The following MDN1 variants were observed in gnomAD, a reference collection of about 807,000 sequenced individuals.
The protein encoded by MDN1 is midasin.
MDN1 carries 266 observed loss-of-function variants against 669.2 expected under a neutral mutation model. That is an observed-to-expected ratio of 0.40 (90% CI 0.36 to 0.44). MDN1 has a LOEUF of 0.44. Ranked by LOEUF, MDN1 falls within the 20% of genes least tolerant of loss-of-function variation. The pLI is 1.00. For missense variants in MDN1, 5,940 were observed against 6,754.0 expected (o/e 0.88, Z 4.22); for synonymous variants, 2,385 against 2,457.1 (o/e 0.97, Z 0.87).
chr6:89,769,699 C>T (rs1817985330), intron 15 of MDN1, among the ~76,000 whole-genome samples: 1 of 152,182 alleles, frequency 6.6e-6, no homozygotes, highest in African/African-American at 2.4e-5. Flanking sequence ...CAAGTTGGCA[C>T]CAAAACCAAA....
chr6:89,699,652 A>G lies in MDN1; in HGVS notation c.8946T>C (p.Pro2982=). 6.2e-7 allele frequency: 1 copy of G among 1,614,060 alleles called. No individual in the cohort carries two copies. The highest frequency in any genetic ancestry group is 8.5e-7 in the Non-Finnish European group (1 of 1,179,968). The change falls in exon 58 of 102, where the codon CCT becomes CCC. Residue 2982 remains proline (P), a synonymous_variant. Coordinates refer to ENST00000369393, the MANE Select transcript of MDN1 (RefSeq NM_014611.3). ...HLISFCLYHT[P]VTPQELRDLW... ...GATCTCGAAGCTCTTGAGGTGTAAC[A>G]GGTGTGTGATAAAGACAAAATGAGA...
rs760414098 is a variant in MDN1 at position 89,772,736 on chromosome 6, A to G, written c.1935-15T>C. Reference sequence around the variant, plus strand: ...TGAACTTCTCCCTGGGAAGGAGAAAAAAAGAGTTTAAAAACCACGCTGCAA... The same window carrying G: ...TGAACTTCTCCCTGGGAAGGAGAAAGAAAGAGTTTAAAAACCACGCTGCAA... On this transcript the variant is annotated splice_polypyrimidine_tract_variant and intron_variant, in intron 13 of 101. Coordinates refer to ENST00000369393, the MANE Select transcript of MDN1 (RefSeq NM_014611.3). 3 of 1,610,420 alleles carry G rather than the reference A, an allele frequency of 1.9e-6. No individual in the cohort carries two copies. In the South Asian group the frequency reaches 3.3e-5, roughly 18 times the overall value.
chr6:89,757,210 T>C (rs1027820018), intron 19 of MDN1, among the ~76,000 whole-genome samples: 58 of 152,194 alleles, frequency 3.8e-4, no homozygotes, highest in Non-Finnish European at 7.6e-4. Flanking sequence ...ATTTATTTTT[T>C]CCCAAATGTT....
At position 89,699,605 on chromosome 6, in the gene MDN1, T is replaced by C. The variant is rs1405016206; in HGVS notation, c.8993A>G (p.Gln2998Arg). Residue 2998 changes from glutamine (Q) to arginine (R), a missense_variant, in exon 58 of 102, where the codon CAG becomes CGG. Transcript: ENST00000369393. ...LRDLWSLLHH[Q>R]KVSPEEITSL... ...ATGTCTTATTGTGATTTTTACCTTC[T>C]GATGATGCAGCAAGGACCACAGATC... is the stretch of plus-strand genomic sequence containing the variant. The C allele has an allele frequency of 1.2e-6, 2 of 1,611,510 alleles. No homozygotes were observed. Among genetic ancestry groups the C allele is most frequent in the Admixed American group, 3.4e-5 (2 of 59,602 alleles).
In MDN1 at chr6:89,688,150, A is replaced by C. The variant is rs1812145720; in HGVS notation, c.11283T>G (p.Ile3761Met). Residue 3761 changes from isoleucine to methionine, a missense_variant, in exon 67 of 102, where the codon ATT (isoleucine) becomes ATG (methionine). Around this residue, in one of 5 missense-constraint regions of MDN1, gnomAD observed 2,280 missense variants for 2,576.3 expected, o/e 0.88. Coordinates refer to ENST00000369393, the MANE Select transcript of MDN1 (RefSeq NM_014611.3). ...TGGGACTGGAAAGTGGGAAACTACG[A>C]ATTCTGTCCATTACAACCAGGAGCT... ...LEQLLVVMDR[I>M]RSFPLSSPIS... is the part of the protein sequence containing the mutation. 3.7e-6 allele frequency: 6 copies of C among 1,614,088 alleles called. No individual in the cohort carries two copies. The East Asian group carries it at 1.3e-4, about 36-fold the overall frequency.
At chr6:89,751,225 C>T (rs1186473264) in intron 23 of MDN1, among the ~76,000 whole-genome samples, 1 of 152,162 alleles carries the variant, frequency 6.6e-6, no homozygotes, top group East Asian at 1.9e-4. Context: ...AAATCATCTG[C>T]ATCCATAGTG....
chr6:89,747,391 C>T lies in MDN1; in HGVS notation c.3842G>A (p.Arg1281Lys), dbSNP rs768474713. The T allele has an allele frequency of 5.0e-6, 8 of 1,614,006 alleles. No homozygotes were observed. Among genetic ancestry groups the T allele is most frequent in the Non-Finnish European group, 6.8e-6 (8 of 1,180,036 alleles). ...CTCGGTCGGCTCAGCCAATCTGTAT[C>T]TTTCAGCCCATCGGAACAGATCACG... ...TLRDLFRWAE[R>K]YRLAEPTEKE... is the part of the protein sequence containing the mutation. Residue 1281 changes from arginine to lysine, a missense_variant, in exon 27 of 102, where the codon AGA becomes AAA. Arg to Lys is a conservative substitution (Grantham distance 26). This residue lies in a region of MDN1 where 2,292 missense variants were observed against 2,638.3 expected (regional missense o/e 0.87). Coordinates refer to ENST00000369393, the MANE Select transcript of MDN1 (RefSeq NM_014611.3).
intron 12 of MDN1, among the ~76,000 whole-genome samples, chr6:89,776,041 G>A (rs1234793065): frequency 6.6e-6 from 1 of 152,132 alleles, no homozygotes; most frequent in Non-Finnish European, 1.5e-5. Context: ...GAAAAACTCT[G>A]CATTAAGTTA....
At chr6:89,783,295 A>G (rs1245637892) in intron 9 of MDN1, among the ~76,000 whole-genome samples, 4 of 152,126 alleles carry the variant, frequency 2.6e-5, no homozygotes, top group African/African-American at 9.7e-5. Flanking sequence ...AGGTCTATAA[A>G]TGGCCGCTCT....
At position 89,696,001 on chromosome 6, in the gene MDN1, A is replaced by G. The variant is rs1812713923; in HGVS notation, c.9384-9T>C. 1.3e-6 allele frequency: 2 copies of G among 1,598,966 alleles called. No individual in the cohort carries two copies. The highest frequency in any genetic ancestry group is 1.3e-5 in the African/African-American group (1 of 74,584). On this transcript the variant is annotated splice_polypyrimidine_tract_variant and intron_variant, in intron 60 of 101. Coordinates refer to ENST00000369393, the MANE Select transcript of MDN1 (RefSeq NM_014611.3). ...GTTGGGAATCCGTGCGTCTGTGGGG[A>G]CAAAAAGAAAGCACTGAAAGGTTTG...
chr6:89,741,315 T>A (rs1340056311), intron 31 of MDN1, among the ~76,000 whole-genome samples: 1 of 151,680 alleles, frequency 6.6e-6, no homozygotes, highest in Non-Finnish European at 1.5e-5. Context: ...GAGAAAAAAG[T>A]CTAACAAAAA....
rs1209635784 is a variant in MDN1 at position 89,751,495 on chromosome 6, T to A, written c.3163A>T (p.Thr1055Ser). 2 of 1,613,986 alleles carry A rather than the reference T, an allele frequency of 1.2e-6. No homozygotes were observed. The highest frequency in any genetic ancestry group is 1.3e-5 in the African/African-American group (1 of 74,898). ...TTCACAGAAGATGTCAGAATGTACG[T>A]CTCATCTATTGTAGGCTCCTTGTCT... is the stretch of plus-strand genomic sequence containing the variant. ...VGDKEPTIDETYILTSSVKLN... is the reference protein window; with the variant it reads ...VGDKEPTIDESYILTSSVKLN... The change falls in exon 23 of 102, where the codon ACG (threonine) becomes TCG (serine). Residue 1055 changes from threonine to serine, a missense_variant. By Grantham distance (58) the Thr-to-Ser change is moderately conservative (BLOSUM62 1). This residue lies in a region of MDN1 where 1,203 missense variants were observed against 1,268.9 expected (regional missense o/e 0.95). Transcript: ENST00000369393.
chr6:89,680,937 T>C (rs1385089782), intron 73 of MDN1, among the ~76,000 whole-genome samples, 186 bp from the exon 74 acceptor site: 1 of 152,190 alleles, frequency 6.6e-6, no homozygotes, highest in Non-Finnish European at 1.5e-5. Context: ...TACTGCTCCA[T>C]ATGAGATCAT....
chr6:89,812,152 A>T (rs1181053888), intron 1 of MDN1, among the ~76,000 whole-genome samples: 1 of 151,610 alleles, frequency 6.6e-6, no homozygotes, highest in African/African-American at 2.4e-5. Context: ...CACCCGGCTA[A>T]TTTTTGTATT....
In MDN1 at chr6:89,808,870, G is replaced by A. The variant is rs554490117; in HGVS notation, c.103-5316C>T. Among the ~76,000 whole-genome samples, 3 of 151,996 alleles carry A rather than the reference G, an allele frequency of 2.0e-5. No homozygotes were observed. The South Asian group carries it at 6.2e-4, about 32-fold the overall frequency. ...ATATGGATTTTTTCCTCTTTTTCTA[G>A]TTGTTTTGGCAACAGAGCTAATCCA... On this transcript the variant is annotated intron_variant, in intron 1 of 101. Transcript: ENST00000369393.
At chr6:89,681,581 T>C (rs16882058) in intron 73 of MDN1, among the ~76,000 whole-genome samples, 5,246 of 152,278 alleles carry the variant, frequency 0.034, 125 homozygotes, top group South Asian at 0.13. Context: ...TTGTCATTAT[T>C]AGCAAATCAA....
intron 21 of MDN1, 126 bp downstream of exon 21, chr6:89,753,957 A>C (rs1817094837): frequency 2.4e-6 from 2 of 830,200 alleles, no homozygotes; most frequent in Non-Finnish European, 3.5e-6. Context: ...AAATCTGGTA[A>C]GAGGTATTAT....
Position 89,700,199 on chromosome 6 carries a change from A to T in MDN1, c.8734T>A (p.Ser2912Thr). 6.2e-7 allele frequency: 1 copy of T among 1,614,222 alleles called. No individual in the cohort carries two copies. Among genetic ancestry groups the T allele is most frequent in the Non-Finnish European group, 8.5e-7 (1 of 1,180,032 alleles). Residue 2912 changes from serine (S) to threonine (T), a missense_variant, in exon 57 of 102, where the codon TCC becomes ACC. Around this residue, in one of 5 missense-constraint regions of MDN1, gnomAD observed 2,292 missense variants for 2,638.3 expected, o/e 0.87. Coordinates refer to ENST00000369393, the MANE Select transcript of MDN1 (RefSeq NM_014611.3). The part of the protein sequence containing the change: ...FLEKKHDEAS[S>T]LSHPDLTSVI... Reference sequence around the variant, plus strand: ...GAGGTCAAGTCTGGATGGGACAGGGAGGAAGCTTCATCATGCTTTTTCTCC... The same window carrying T: ...GAGGTCAAGTCTGGATGGGACAGGGTGGAAGCTTCATCATGCTTTTTCTCC...
At chr6:89,655,152 T>C (rs771897363) in intron 92 of MDN1, among the ~76,000 whole-genome samples, 6 of 152,164 alleles carry the variant, frequency 3.9e-5, no homozygotes, top group African/African-American at 1.4e-4. Flanking sequence ...TAATCCAATG[T>C]AGAGCAGTCA....
Sources: gnomAD v4.1 joint callset for allele counts (sites outside exome capture counted in the v4.1 genomes callset) on GRCh38, gnomAD v4.1.1 for gene constraint, gnomAD v4.1.1 regional missense constraint, MANE v1.5 for transcripts, NCBI Gene and HGNC (gene_info 2026-07-23, HGNC 2026-07-21) for gene names.